Variants in GFRAL observed in about 807,000 individuals in gnomAD.
GFRAL encodes GDNF family receptor alpha like, also known as GDNF family receptor alpha-like.
A neutral mutation model predicts 45.4 loss-of-function variants in GFRAL; 36 were observed. The observed-to-expected ratio is 0.79, with a 90% CI of 0.61 to 1.05. GFRAL has a LOEUF of 1.05. GFRAL is among the 50% of genes least tolerant of loss of function. The pLI, the probability that GFRAL is intolerant of heterozygous loss-of-function variation, is 0.00. For synonymous variants in GFRAL, 166 were observed against 154.1 expected, an observed-to-expected ratio of 1.08 and a Z score of -0.57; for missense variants, 507 against 467.5, an observed-to-expected ratio of 1.08 and a Z score of -0.78.
At chr6:55,395,039 A>T (rs1474258943) in intron 6 of GFRAL, among the ~76,000 whole-genome samples, 1 of 151,818 alleles carries the variant, frequency 6.6e-6, no homozygotes, top group Non-Finnish European at 1.5e-5. Context: ...TTCATAACTC[A>T]GTAACATATA....
chr6:55,386,042 C>A (rs891693253), intron 6 of GFRAL, among the ~76,000 whole-genome samples: 9 of 152,008 alleles, frequency 5.9e-5, no homozygotes, highest in Admixed American at 2.0e-4. Flanking sequence ...ACAAGTAGCC[C>A]ACCAATAACT....
rs540668683 is a variant in GFRAL, at chr6:55,344,270, A to G, written c.317-5822A>G. Among the ~76,000 whole-genome samples the G allele has an allele frequency of 2.3e-4, 35 of 152,342 alleles. No homozygotes were observed. In the South Asian group the frequency reaches 7.3e-3, roughly 32 times the overall value. ...TTTTAGACCAATATCCCTGATGAAC[A>G]TTGATGCAAAAATCCTCAATAAAAT... On this transcript the variant is annotated intron_variant, in intron 3 of 8. Coordinates refer to ENST00000340465, the MANE Select transcript of GFRAL (RefSeq NM_207410.2).
chr6:55,373,771 T>C (rs1768487347), intron 6 of GFRAL, among the ~76,000 whole-genome samples: 1 of 151,994 alleles, frequency 6.6e-6, no homozygotes, highest in Non-Finnish European at 1.5e-5. Context: ...AGTTCTGGGA[T>C]ACATGTGCAG....
intron 6 of GFRAL, among the ~76,000 whole-genome samples, chr6:55,363,467 A>G (rs1424030530): frequency 6.7e-6 from 1 of 149,556 alleles, no homozygotes; most frequent in Non-Finnish European, 1.5e-5. Context: ...TTTAAGTTTT[A>G]GGGTACATGT....
intron 3 of GFRAL, among the ~76,000 whole-genome samples, chr6:55,342,636 A>G (rs528777241): frequency 1.4e-4 from 22 of 152,146 alleles, no homozygotes; most frequent in African/African-American, 4.8e-4. Context: ...CAAAATAACC[A>G]GCTAACATCA....
At chr6:55,383,471 G>A (rs978231714) in intron 6 of GFRAL, among the ~76,000 whole-genome samples, 2 of 151,804 alleles carry the variant, frequency 1.3e-5, no homozygotes, top group Non-Finnish European at 2.9e-5. Flanking sequence ...CCTTCTCTAT[G>A]TTTAGGTACA....
At position 55,341,338 on chromosome 6, in the gene GFRAL, G is replaced by A. The variant is rs143658578; in HGVS notation, c.316+7394G>A. Among the ~76,000 whole-genome samples, 943 of 152,252 alleles carry A rather than the reference G, an allele frequency of 6.2e-3. 6 individuals are homozygous for A. Among genetic ancestry groups the A allele is most frequent in the East Asian group, 0.016 (81 of 5,176 alleles). On this transcript the variant is annotated intron_variant, in intron 3 of 8. Coordinates refer to ENST00000340465, the MANE Select transcript of GFRAL (RefSeq NM_207410.2). ...TGTGAGACGAAGCTTCCAGAGGAAC[G>A]ATCAGACAACAACATTTGCTGTTCA... is the stretch of plus-strand genomic sequence containing the variant.
At chr6:55,334,377 A>G (rs1346478734) in intron 3 of GFRAL, among the ~76,000 whole-genome samples, 2 of 152,210 alleles carry the variant, frequency 1.3e-5, no homozygotes, top group Non-Finnish European at 2.9e-5. Flanking sequence ...AGAAATCAAA[A>G]TGTAACTAAT....
intron 6 of GFRAL, among the ~76,000 whole-genome samples, chr6:55,374,763 T>G (rs1395497675): frequency 1.3e-5 from 2 of 152,210 alleles, no homozygotes; most frequent in Admixed American, 6.5e-5. Context: ...TTTTGGGTTT[T>G]ACATTTGTCT....
At chr6:55,349,998 G>C (rs950813525) in intron 3 of GFRAL, 94 bp from the exon 4 acceptor site, 28 of 746,070 alleles carry the variant, frequency 3.8e-5, no homozygotes, top group Middle Eastern at 3.5e-4. Flanking sequence ...TTGAATATAT[G>C]TGGACTTTAC....
chr6:55,339,909 C>A (rs1767939459), intron 3 of GFRAL, among the ~76,000 whole-genome samples: 1 of 152,110 alleles, frequency 6.6e-6, no homozygotes, highest in Non-Finnish European at 1.5e-5. Context: ...AATCAGTTTA[C>A]ATACTAAAAC....
intron 5 of GFRAL, among the ~76,000 whole-genome samples, chr6:55,357,033 T>A (rs1768204714): frequency 6.6e-6 from 1 of 151,942 alleles, no homozygotes; most frequent in South Asian, 2.1e-4. Context: ...TTTCTAGTTT[T>A]ATTCCATTGT....
chr6:55,334,810 A>C (rs1440505459), intron 3 of GFRAL, among the ~76,000 whole-genome samples: 1 of 152,160 alleles, frequency 6.6e-6, no homozygotes, highest in African/African-American at 2.4e-5. Context: ...GTTTTAATTC[A>C]GTTTATTTTG....
chr6:55,368,242 G>C (rs1227239717), intron 6 of GFRAL, among the ~76,000 whole-genome samples: 1 of 151,814 alleles, frequency 6.6e-6, no homozygotes, highest in Admixed American at 6.6e-5. Flanking sequence ...ATCAGCTCCT[G>C]AGGCTTCTGC....
At chr6:55,368,825 G>A (rs938179342) in intron 6 of GFRAL, among the ~76,000 whole-genome samples, 24 of 152,152 alleles carry the variant, frequency 1.6e-4, no homozygotes, top group Non-Finnish European at 3.2e-4. Flanking sequence ...GCGTGCTGGG[G>A]GAACCACTGC....
chr6:55,390,887 C>CACAT (rs1312832236), intron 6 of GFRAL, among the ~76,000 whole-genome samples: 1 of 58,778 alleles, frequency 1.7e-5, no homozygotes, highest in Non-Finnish European at 3.2e-5. Context: ...GACTCCATCT[C>CACAT]ACACACATAC....
chr6:55,381,711 CAT>C (rs1234114989), intron 6 of GFRAL, among the ~76,000 whole-genome samples: 7 of 151,726 alleles, frequency 4.6e-5, no homozygotes, highest in African/African-American at 1.2e-4. Flanking sequence ...TTTGTAATTA[CAT>C]GTTATAATTT....
intron 6 of GFRAL, among the ~76,000 whole-genome samples, chr6:55,363,790 G>A (rs1483090241): frequency 1.3e-5 from 2 of 151,558 alleles, no homozygotes; most frequent in Non-Finnish European, 2.9e-5. Context: ...TGGCTGCATA[G>A]TATTCCATGG....
chr6:55,392,089 C>T (rs1261327314), intron 6 of GFRAL, among the ~76,000 whole-genome samples: 1 of 152,188 alleles, frequency 6.6e-6, no homozygotes, highest in Non-Finnish European at 1.5e-5. Flanking sequence ...ACATTCATTG[C>T]TCTCCCTTCT....
Sources: gnomAD v4.1 joint callset for allele counts (sites outside exome capture counted in the v4.1 genomes callset) on GRCh38, gnomAD v4.1.1 for gene constraint, MANE v1.5 for transcripts, NCBI Gene and HGNC (gene_info 2026-07-23, HGNC 2026-07-21) for gene names.